The following ACVR1 variants were observed in gnomAD, a reference collection of about 807,000 sequenced individuals.
ACVR1 encodes the protein activin receptor type-1.
ACVR1 carries 38 observed loss-of-function variants against 57.1 expected under a neutral mutation model. The ratio of observed to expected loss-of-function variants is 0.67; its 90% CI spans 0.51 to 0.87. The LOEUF (loss-of-function observed/expected upper bound fraction) is 0.87. ACVR1 is among the 40% of genes least tolerant of loss of function. The pLI, the probability that ACVR1 is intolerant of heterozygous loss-of-function variation, is 0.00. For synonymous variants in ACVR1, 212 were observed against 228.1 expected (o/e 0.93, Z 0.63); for missense variants, 463 against 638.2 (o/e 0.73, Z 2.96).
chr2:157,745,278 G>A (rs1010873166), intron 9 of ACVR1, among the ~76,000 whole-genome samples: 1 of 152,142 alleles, frequency 6.6e-6, no homozygotes. Context: ...GAACAAGACA[G>A]CCTTAGAGCT....
chr2:157,744,521 C>A (rs1684888984), intron 9 of ACVR1, among the ~76,000 whole-genome samples: 1 of 152,044 alleles, frequency 6.6e-6, no homozygotes, highest in Non-Finnish European at 1.5e-5. Flanking sequence ...AATTTCCTTT[C>A]AAAACAAAAT....
chr2:157,849,058 C>T (rs536682033), intron 1 of ACVR1, among the ~76,000 whole-genome samples: 1 of 152,342 alleles, frequency 6.6e-6, no homozygotes, highest in Admixed American at 6.5e-5. Flanking sequence ...CCAATCTCTT[C>T]TCATACTTTC....
chr2:157,856,869 A>G (rs1194218803), intron 1 of ACVR1, among the ~76,000 whole-genome samples: 1 of 152,216 alleles, frequency 6.6e-6, no homozygotes, highest in African/African-American at 2.4e-5. Context: ...TCAAGGTTAC[A>G]TGATCCATGC....
intron 1 of ACVR1, among the ~76,000 whole-genome samples, chr2:157,837,105 C>T (rs767942910): frequency 2.0e-4 from 31 of 152,292 alleles, no homozygotes; most frequent in Non-Finnish European, 3.8e-4. Context: ...GGATGTGGCA[C>T]AAAGATAAAC....
chr2:157,757,026 A>C (rs980857302), intron 9 of ACVR1, among the ~76,000 whole-genome samples: 14 of 125,516 alleles, frequency 1.1e-4, no homozygotes, highest in Non-Finnish European at 1.8e-4. Flanking sequence ...TATTTGATAT[A>C]TATATATATA....
chr2:157,815,041 A>G (rs1317457177), intron 2 of ACVR1, among the ~76,000 whole-genome samples: 1 of 152,202 alleles, frequency 6.6e-6, no homozygotes, highest in Non-Finnish European at 1.5e-5. Context: ...GTGAGCCAAG[A>G]TGGCGCCACT....
At chr2:157,875,148 TAC>T (rs1690242406) in intron 1 of ACVR1, 2 of 152,224 alleles carry the variant, frequency 1.3e-5, no homozygotes, top group Non-Finnish European at 2.9e-5. Context: ...CTGTTTTGGT[TAC>T]AGTGTTGAAG....
intron 2 of ACVR1, among the ~76,000 whole-genome samples, chr2:157,813,747 A>C (rs1408872544): frequency 6.6e-6 from 1 of 152,212 alleles, no homozygotes; most frequent in Non-Finnish European, 1.5e-5. Flanking sequence ...AGTGAAGAAA[A>C]AATAAACTTT....
Position 157,785,084 on chromosome 2 carries a change from C to T in ACVR1, c.68-4484G>A, listed in dbSNP as rs77050301. 6.5e-3 allele frequency among the ~76,000 whole-genome samples: 988 copies of T among 152,308 alleles called. 2 individuals are homozygous for T. The highest frequency in any genetic ancestry group is 0.011 in the Non-Finnish European group (748 of 68,014). ...AAAAACCAACATTTCCCACTAATGTCTTTGACATAAAAGACAAATAAGAAA... is the reference window on the plus strand; with the variant it reads ...AAAAACCAACATTTCCCACTAATGTTTTTGACATAAAAGACAAATAAGAAA... On this transcript the variant is annotated intron_variant, in intron 3 of 10. Coordinates refer to ENST00000434821, the MANE Select transcript of ACVR1 (RefSeq NM_001111067.4).
chr2:157,825,442 G>C (rs1688310528), intron 1 of ACVR1, among the ~76,000 whole-genome samples: 1 of 152,124 alleles, frequency 6.6e-6, no homozygotes, highest in Non-Finnish European at 1.5e-5. Context: ...GACGGGTACT[G>C]GTCCATGGCC....
rs575088337 is a variant in ACVR1, at chr2:157,780,894, C to T, written c.68-294G>A. On this transcript the variant is annotated intron_variant, in intron 3 of 10. Transcript: ENST00000434821. ...CAGACTTCTGAAAATGAGCTTCTCC[C>T]CCTGTGGTGTTCATATAACCTTCAG... 3.3e-5 allele frequency among the ~76,000 whole-genome samples: 5 copies of T among 152,242 alleles called. No individual in the cohort carries two copies. The East Asian group carries it at 9.7e-4, about 29-fold the overall frequency.
rs1406238835 is a variant in ACVR1 at position 157,780,470 on chromosome 2, G to A, written c.198C>T (p.Tyr66=). The A allele has an allele frequency of 1.3e-5, 21 of 1,614,034 alleles. No homozygotes were observed. Among genetic ancestry groups the A allele is most frequent in the Admixed American group, 8.3e-5 (5 of 59,998 alleles). Residue 66 remains tyrosine (Y), a synonymous_variant, in exon 4 of 11, where the codon TAC becomes TAT. Transcript: ENST00000434821. ...CATAAACCTGGAAGCAGCCTTTCTG[G>A]TAGACGTGGAAGCCATCGTTGATGC... ...SLSINDGFHV[Y]QKGCFQVYEQ...
intron 8 of ACVR1, among the ~76,000 whole-genome samples, chr2:157,763,794 A>G (rs1685753603): frequency 1.3e-5 from 2 of 152,206 alleles, no homozygotes. Context: ...TGCTAGGTAT[A>G]TACTGGTAAG....
chr2:157,744,112 CCA>C (rs1240304529), intron 9 of ACVR1, among the ~76,000 whole-genome samples: 1 of 152,204 alleles, frequency 6.6e-6, no homozygotes, highest in Non-Finnish European at 1.5e-5. Context: ...GCATCTCATG[CCA>C]CAGTGTGCCT....
intron 2 of ACVR1, among the ~76,000 whole-genome samples, chr2:157,804,782 C>T (rs1266235807): frequency 6.6e-6 from 1 of 152,208 alleles, no homozygotes; most frequent in East Asian, 1.9e-4. Context: ...ACAGAACATT[C>T]CCATGATATT....
chr2:157,828,626 A>T (rs1688477457), intron 1 of ACVR1, among the ~76,000 whole-genome samples: 1 of 152,166 alleles, frequency 6.6e-6, no homozygotes, highest in Non-Finnish European at 1.5e-5. Flanking sequence ...TTTCCAAAAA[A>T]AGATAGCTTT....
At chr2:157,760,828 T>C in intron 9 of ACVR1, 52 bp downstream of exon 9, 3 of 1,565,830 alleles carry the variant, frequency 1.9e-6, no homozygotes, top group Non-Finnish European at 8.8e-7. Context: ...TAAAGGTAGC[T>C]GGATCAAGAG....
chr2:157,866,404 A>G (rs748821998), intron 1 of ACVR1, among the ~76,000 whole-genome samples: 5 of 152,124 alleles, frequency 3.3e-5, no homozygotes, highest in East Asian at 1.9e-4. Flanking sequence ...TTAAGAAACA[A>G]TAAGTTGGAG....
rs1397810378 is a variant in ACVR1 at position 157,774,176 on chromosome 2, A to G, written c.555T>C (p.Asp185=). ...AGCCACTTCCTGATGTACACGAATG[A>G]TCCAATAAATCCTGTGGTTTAAGAC... is the stretch of plus-strand genomic sequence containing the variant. ...VGDSTLADLL[D]HSCTSGSGSG... The change falls in exon 6 of 11, where the codon GAT becomes GAC. Residue 185 remains aspartate, a synonymous_variant. Coordinates refer to ENST00000434821, the MANE Select transcript of ACVR1 (RefSeq NM_001111067.4). The G allele has an allele frequency of 6.2e-7, 1 of 1,613,944 alleles. No individual in the cohort carries two copies.
Sources: allele counts gnomAD v4.1 joint callset (sites outside exome capture counted in the v4.1 genomes callset), GRCh38; gene constraint gnomAD v4.1.1; transcripts MANE v1.5; gene names NCBI Gene and HGNC (gene_info 2026-07-23, HGNC 2026-07-21).